The following PARP9 variants were observed in gnomAD, a reference collection of about 807,000 sequenced individuals.
The protein encoded by PARP9 is poly(ADP-ribose) polymerase family member 9.
Under a neutral mutation model 68.8 loss-of-function variants are expected in PARP9, and 48 were observed. That is an observed-to-expected ratio of 0.70 (90% confidence interval 0.55 to 0.89). The LOEUF (loss-of-function observed/expected upper bound fraction) is 0.89. Ranked by LOEUF, PARP9 falls within the 40% of genes least tolerant of loss-of-function variation. The pLI is 0.00. For missense variants in PARP9, 806 were observed against 969.3 expected (o/e 0.83, Z 2.24); for synonymous variants, 309 against 333.8 (o/e 0.93, Z 0.81).
At position 122,540,647 on chromosome 3, in the gene PARP9, A is replaced by C; in HGVS notation, c.1590T>G (p.Leu530=). The C allele has an allele frequency of 1.2e-6, 2 of 1,614,154 alleles. No individual in the cohort carries two copies. Among genetic ancestry groups the C allele is most frequent in the African/African-American group, 2.7e-5 (2 of 75,026 alleles). The change falls in exon 8 of 11, where the codon CTT becomes CTG. Residue 530 remains leucine, a synonymous_variant. Coordinates refer to ENST00000682323, the MANE Select transcript of PARP9 (RefSeq NM_001146105.2). ...GRKEHDILSQ[L]QKTSSVSITE... ...TGATGGAGACACTTGAAGTTTTCTG[A>C]AGCTGAGACAAAATGTCATGTTCCT...
chr3:122,554,822 C>T (rs116273253), intron 4 of PARP9, among the ~76,000 whole-genome samples: 2,791 of 151,982 alleles, frequency 0.018, 47 homozygotes, highest in Non-Finnish European at 0.03. Flanking sequence ...GGCTCAAGTG[C>T]GCCTCCTGCC....
In PARP9 at chr3:122,564,232, C is replaced by T. The variant is rs1195843622; in HGVS notation, c.-90+13G>A. 3.2e-6 allele frequency: 2 copies of T among 616,014 alleles called. No individual in the cohort carries two copies. The highest frequency in any genetic ancestry group is 6.8e-5 in the East Asian group (2 of 29,326). 38.2% of individuals were successfully genotyped at this position (616,014 alleles called of 1,614,324 possible). Reference sequence around the variant, plus strand: ...GGGGACCCCGAGGGCCCAGAGGCACCGGACCTACTCACCCGGCAGGCCGCT... The same window carrying T: ...GGGGACCCCGAGGGCCCAGAGGCACTGGACCTACTCACCCGGCAGGCCGCT... On this transcript the variant is annotated intron_variant, in intron 1 of 10. Transcript: ENST00000682323.
chr3:122,558,539 C>A, intron 2 of PARP9, 72 bp from the exon 3 acceptor site: 1 of 1,538,932 alleles, frequency 6.5e-7, no homozygotes, highest in Non-Finnish European at 8.9e-7. Flanking sequence ...AACCAATACA[C>A]CCTAGTAAAC....
intron 10 of PARP9, chr3:122,535,594 T>C (rs1316804992): frequency 1.0e-6 from 1 of 985,220 alleles, no homozygotes; most frequent in East Asian, 1.1e-4. Flanking sequence ...GAATTATATA[T>C]GCAATGTTTT....
At chr3:122,553,833 A>G (rs984240194) in intron 4 of PARP9, among the ~76,000 whole-genome samples, 1 of 151,926 alleles carries the variant, frequency 6.6e-6, no homozygotes, top group Non-Finnish European at 1.5e-5. Context: ...CCCTCCACTT[A>G]TTTATCTTTA....
chr3:122,564,004 T>C (rs1337198894), intron 1 of PARP9: 1 of 162,944 alleles, frequency 6.1e-6, no homozygotes, highest in African/African-American at 2.4e-5. Flanking sequence ...TTTTCAAAAA[T>C]GGGTAAGTTT....
intron 7 of PARP9, among the ~76,000 whole-genome samples, chr3:122,544,740 G>A (rs577587495): frequency 6.6e-6 from 1 of 152,208 alleles, no homozygotes; most frequent in African/African-American, 2.4e-5. Flanking sequence ...GGAGACTTAG[G>A]TGGGAGGATG....
At chr3:122,549,078 G>A (rs902333663) in intron 6 of PARP9, among the ~76,000 whole-genome samples, 10 of 151,202 alleles carry the variant, frequency 6.6e-5, no homozygotes, top group Non-Finnish European at 1.3e-4. Context: ...GCAATGGTGC[G>A]ATCTCAGCTC....
intron 6 of PARP9, among the ~76,000 whole-genome samples, chr3:122,549,590 G>C (rs751229046): frequency 1.3e-5 from 2 of 152,088 alleles, no homozygotes; most frequent in Non-Finnish European, 2.9e-5. Flanking sequence ...AGACCAGATT[G>C]GGCAACATAG....
In PARP9 at chr3:122,533,550, T is replaced by C. The variant is rs1310903804; in HGVS notation, c.2080+2618A>G. The C allele has an allele frequency of 1.2e-5, 5 of 417,810 alleles. No individual in the cohort carries two copies. In the Admixed American group the frequency reaches 2.6e-4, roughly 21 times the overall value. The allele number at this position is 417,810 out of a possible 1,614,324, so 25.9% of individuals were successfully genotyped here. On this transcript the variant is annotated intron_variant, in intron 10 of 10. Transcript: ENST00000682323. ...AGGAAAAAAGAGAGAAGATAAAGAATGGGCAACAGGTGAACTCGTGAGATT... is the reference window on the plus strand; with the variant it reads ...AGGAAAAAAGAGAGAAGATAAAGAACGGGCAACAGGTGAACTCGTGAGATT...
intron 10 of PARP9, chr3:122,532,118 G>C: frequency 1.0e-6 from 1 of 980,940 alleles, no homozygotes. Context: ...CCTGAGTGGA[G>C]AGTGGCAATG....
At chr3:122,533,674 C>T in intron 10 of PARP9, 3 of 984,538 alleles carry the variant, frequency 3.0e-6, no homozygotes, top group Non-Finnish European at 2.4e-6. Context: ...TTAATAAATA[C>T]CTGTGGAACA....
chr3:122,529,234 T>TAAAAAAAA (rs59705545), intron 10 of PARP9, among the ~76,000 whole-genome samples: 4 of 77,268 alleles, frequency 5.2e-5, no homozygotes, highest in Non-Finnish European at 7.5e-5. Context: ...GCGAAACTCT[T>TAAAAAAAA]AAAAAAAAAA....
At chr3:122,536,770 C>T in intron 9 of PARP9, 164 bp downstream of exon 9, 1 of 767,666 alleles carries the variant, frequency 1.3e-6, no homozygotes, top group Non-Finnish European at 2.0e-6. Context: ...AACTATATCC[C>T]TCGTGCCTGC....
At chr3:122,557,097 A>C (rs1014596088) in intron 3 of PARP9, among the ~76,000 whole-genome samples, 1 of 152,214 alleles carries the variant, frequency 6.6e-6, no homozygotes, top group African/African-American at 2.4e-5. Flanking sequence ...GCCGATTGAA[A>C]TAAGGTAGTA....
intron 7 of PARP9, among the ~76,000 whole-genome samples, chr3:122,544,097 C>T (rs1171200612): frequency 3.3e-5 from 5 of 152,150 alleles, no homozygotes; most frequent in Admixed American, 2.0e-4. Flanking sequence ...CCATGGATTC[C>T]CTGTGGTTCC....
chr3:122,558,934 C>T (rs945330953), intron 2 of PARP9, among the ~76,000 whole-genome samples: 1 of 152,120 alleles, frequency 6.6e-6, no homozygotes, highest in Non-Finnish European at 1.5e-5. Flanking sequence ...AGGCTGGTCT[C>T]GAACTACTGA....
chr3:122,557,937 A>G (rs2107727272), intron 3 of PARP9, among the ~76,000 whole-genome samples: 1 of 152,356 alleles, frequency 6.6e-6, no homozygotes, highest in Non-Finnish European at 1.5e-5. Context: ...ATCCTAAAAT[A>G]GATAAAATGT....
At chr3:122,562,818 T>C (rs1344608257) in intron 1 of PARP9, among the ~76,000 whole-genome samples, 1 of 152,238 alleles carries the variant, frequency 6.6e-6, no homozygotes, top group Non-Finnish European at 1.5e-5. Flanking sequence ...GATATACTAT[T>C]ATTATTAAAC....
Sources: allele counts gnomAD v4.1 joint callset (sites outside exome capture counted in the v4.1 genomes callset), GRCh38; gene constraint gnomAD v4.1.1; transcripts MANE v1.5; gene names NCBI Gene and HGNC (gene_info 2026-07-23, HGNC 2026-07-21).